The following SAMMSON variants were observed in gnomAD, a reference collection of about 807,000 sequenced individuals.
SAMMSON encodes long intergenic non-protein coding RNA 1212.
intron 4 of SAMMSON, among the ~76,000 whole-genome samples, chr3:70,104,697 CAA>C (rs1423134992): frequency 1.3e-5 from 2 of 152,140 alleles, no homozygotes; most frequent in Admixed American, 6.6e-5. Context: ...TAGAACACCT[CAA>C]GAGATTCCAC....
intron 4 of SAMMSON, chr3:70,197,145 C>G: frequency 2.5e-6 from 1 of 398,482 alleles, no homozygotes. Context: ...AGTCCCAAAA[C>G]TGGCAAAACA....
chr3:70,119,948 T>C (rs55998445), intron 4 of SAMMSON, among the ~76,000 whole-genome samples: 101 of 152,206 alleles, frequency 6.6e-4, no homozygotes, highest in African/African-American at 2.4e-3. Flanking sequence ...TGGATAGATT[T>C]ATTATTATTA....
rs150003813 is a variant in SAMMSON, at chr3:70,176,789, A to G, written n.508-72318A>G. Among the ~76,000 whole-genome samples, 118 of 152,272 alleles carry G rather than the reference A, an allele frequency of 7.7e-4. 1 individual carries two copies. In the East Asian group the frequency reaches 0.011, roughly 14 times the overall value. On this transcript the variant is annotated intron_variant and non_coding_transcript_variant, in intron 4 of 9. Transcript: ENST00000642114. ...ACATAAATGATCAAATATTATATAA[A>G]CTGGTTAAATAAGAGTATAAAAAGA...
chr3:70,006,409 T>A (rs1165566939), intron 1 of SAMMSON, among the ~76,000 whole-genome samples: 1 of 152,182 alleles, frequency 6.6e-6, no homozygotes, highest in Non-Finnish European at 1.5e-5. Context: ...TCCTTTTGTA[T>A]TTTTCCTGAG....
At chr3:70,211,978 T>C (rs1197584392) in intron 4 of SAMMSON, among the ~76,000 whole-genome samples, 3 of 151,954 alleles carry the variant, frequency 2.0e-5, no homozygotes, top group Non-Finnish European at 4.4e-5. Context: ...TATCAGCTTC[T>C]GCTATCCTCC....
intron 4 of SAMMSON, among the ~76,000 whole-genome samples, chr3:70,088,452 A>G (rs1258012859): frequency 6.6e-6 from 1 of 152,170 alleles, no homozygotes; most frequent in Non-Finnish European, 1.5e-5. Flanking sequence ...TGGTGCATCC[A>G]ACGTGCACCA....
chr3:70,373,545 T>C (rs1462758441), intron 9 of SAMMSON, among the ~76,000 whole-genome samples: 1 of 152,188 alleles, frequency 6.6e-6, no homozygotes, highest in East Asian at 1.9e-4. Flanking sequence ...ATTATTTCTT[T>C]GGATACTTTT....
intron 9 of SAMMSON, among the ~76,000 whole-genome samples, chr3:70,378,188 C>T (rs1018521654): frequency 6.6e-6 from 1 of 151,308 alleles, no homozygotes; most frequent in African/African-American, 2.4e-5. Context: ...TAGAATAGCA[C>T]AAAACTGCAA....
chr3:70,242,037 T>C (rs2106642225), intron 4 of SAMMSON, among the ~76,000 whole-genome samples: 1 of 152,310 alleles, frequency 6.6e-6, no homozygotes. Context: ...CTACACTATC[T>C]TTGATGCCAG....
At chr3:70,086,638 C>A (rs1418555702) in intron 4 of SAMMSON, among the ~76,000 whole-genome samples, 2 of 152,198 alleles carry the variant, frequency 1.3e-5, no homozygotes, top group Non-Finnish European at 2.9e-5. Context: ...TAAGATTTTT[C>A]TGTCTCTTCT....
At chr3:70,049,779 T>C (rs2067139620) in intron 3 of SAMMSON, among the ~76,000 whole-genome samples, 1 of 152,154 alleles carries the variant, frequency 6.6e-6, no homozygotes, top group African/African-American at 2.4e-5. Context: ...ACGTTGGTCT[T>C]AATTTTTAAA....
intron 4 of SAMMSON, among the ~76,000 whole-genome samples, chr3:70,198,230 A>G (rs1170536994): frequency 6.6e-6 from 1 of 152,144 alleles, no homozygotes; most frequent in Non-Finnish European, 1.5e-5. Flanking sequence ...TCTCCTCTAG[A>G]TGGGCTTATC....
intron 4 of SAMMSON, among the ~76,000 whole-genome samples, chr3:70,083,440 G>A (rs2067273904): frequency 6.6e-6 from 1 of 152,144 alleles, no homozygotes; most frequent in African/African-American, 2.4e-5. Context: ...CCGACTTCTA[G>A]CAACTCAGGG....
chr3:70,195,099 A>G (rs371407498), intron 4 of SAMMSON, among the ~76,000 whole-genome samples: 4 of 152,348 alleles, frequency 2.6e-5, no homozygotes, highest in African/African-American at 9.6e-5. Flanking sequence ...GACACTGCCA[A>G]TAATTCACTG....
At chr3:70,299,170 C>G (rs1383499484) in intron 7 of SAMMSON, among the ~76,000 whole-genome samples, 4 of 152,068 alleles carry the variant, frequency 2.6e-5, no homozygotes, top group African/African-American at 9.7e-5. Context: ...TATTTTGTTA[C>G]TTCATAGAAT....
intron 2 of SAMMSON, among the ~76,000 whole-genome samples, chr3:70,400,404 C>T (rs1047624214): frequency 1.1e-4 from 17 of 152,084 alleles, no homozygotes; most frequent in Non-Finnish European, 2.4e-4. Flanking sequence ...GATCTGGTTT[C>T]GTTGGGTCCT....
intron 3 of SAMMSON, among the ~76,000 whole-genome samples, chr3:70,037,176 C>A (rs1413381954): frequency 6.6e-6 from 1 of 151,386 alleles, no homozygotes; most frequent in Non-Finnish European, 1.5e-5. Flanking sequence ...TTTTTTTCCA[C>A]CCCTCCTTAA....
chr3:70,259,418 A>T (rs1481353437), intron 6 of SAMMSON, among the ~76,000 whole-genome samples: 1 of 148,096 alleles, frequency 6.8e-6, no homozygotes, highest in Non-Finnish European at 1.5e-5. Context: ...TTGACTTTTA[A>T]AAAAAAAAAA....
intron 4 of SAMMSON, among the ~76,000 whole-genome samples, chr3:70,098,391 G>A (rs550113734): frequency 4.0e-5 from 6 of 151,240 alleles, no homozygotes; most frequent in South Asian, 4.2e-4. Flanking sequence ...TTTTTGAGAC[G>A]GAATCTCGCT....
Sources: allele counts gnomAD v4.1 joint callset (sites outside exome capture counted in the v4.1 genomes callset), GRCh38; gene constraint gnomAD v4.1.1; transcripts MANE v1.5; gene names NCBI Gene and HGNC (gene_info 2026-07-23, HGNC 2026-07-21).